Variants in MCCC1 observed in about 807,000 individuals in gnomAD.
MCCC1 encodes methylcrotonoyl-CoA carboxylase subunit alpha, mitochondrial.
In MCCC1, 64 loss-of-function variants were observed where a neutral mutation model predicts 83.8. That is an observed-to-expected ratio of 0.76 (90% CI 0.62 to 0.94). The LOEUF is 0.94. MCCC1 is among the 40% of genes least tolerant of loss of function. The pLI, the probability that MCCC1 is intolerant of heterozygous loss-of-function variation, is 0.00. For synonymous variants in MCCC1, 322 were observed against 315.4 expected (o/e 1.02, Z -0.22); for missense variants, 807 against 904.7 (o/e 0.89, Z 1.39).
intron 10 of MCCC1, among the ~76,000 whole-genome samples, chr3:183,044,280 T>C (rs569960466): frequency 2.4e-4 from 37 of 152,350 alleles, no homozygotes; most frequent in Admixed American, 4.6e-4. Context: ...AAATCTATTG[T>C]TCTTATGAGA....
intron 2 of MCCC1, among the ~76,000 whole-genome samples, chr3:183,093,185 C>T (rs1449654390): frequency 6.6e-6 from 1 of 152,210 alleles, no homozygotes; most frequent in African/African-American, 2.4e-5. Flanking sequence ...TGAGCCACCA[C>T]ACCCGGCCAA....
At chr3:183,023,899 T>C (rs934921061) in intron 15 of MCCC1, among the ~76,000 whole-genome samples, 2 of 152,222 alleles carry the variant, frequency 1.3e-5, no homozygotes, top group African/African-American at 4.8e-5. Flanking sequence ...TCTCAAAATA[T>C]GACCTATGTG....
chr3:183,099,287 C>T lies in MCCC1; in HGVS notation c.89+65G>A. 10 of 1,529,628 alleles carry T rather than the reference C, an allele frequency of 6.5e-6. No individual in the cohort carries two copies. The South Asian group carries it at 1.1e-4, about 16-fold the overall frequency. The allele number at this position is 1,529,628 out of a possible 1,614,324, so 94.8% of individuals were successfully genotyped here. A position where few individuals can be genotyped will look rare whatever the true frequency, so the allele number is the denominator to read the frequency against. Reference sequence around the variant, plus strand: ...CTGGGTTCCGCCGCACCTCCCACCGCTCACGCGGGTCCGTGCACCCCTCGC... The same window carrying T: ...CTGGGTTCCGCCGCACCTCCCACCGTTCACGCGGGTCCGTGCACCCCTCGC... On this transcript the variant is annotated intron_variant, in intron 1 of 18. Transcript: ENST00000265594.
At chr3:183,087,771 T>C (rs1203901777) in intron 3 of MCCC1, among the ~76,000 whole-genome samples, 2 of 73,224 alleles carry the variant, frequency 2.7e-5, no homozygotes, top group Non-Finnish European at 5.3e-5. Flanking sequence ...CTCGGGAGGC[T>C]GAGGCAGGAG....
chr3:183,105,437 C>T (rs1379183993), intron 1 of MCCC1, among the ~76,000 whole-genome samples: 1 of 152,146 alleles, frequency 6.6e-6, no homozygotes, highest in African/African-American at 2.4e-5. Flanking sequence ...ATAAAACACA[C>T]TGATGAGTGA....
intron 9 of MCCC1, among the ~76,000 whole-genome samples, chr3:183,051,494 G>A (rs1278355197): frequency 1.3e-5 from 2 of 152,134 alleles, no homozygotes; most frequent in Non-Finnish European, 2.9e-5. Flanking sequence ...AAAAACATGA[G>A]TGGCTGCCGG....
At chr3:183,046,379 C>G (rs1204490400) in intron 9 of MCCC1, among the ~76,000 whole-genome samples, 1 of 149,796 alleles carries the variant, frequency 6.7e-6, no homozygotes, top group Non-Finnish European at 1.5e-5. Context: ...GTGGTCACAA[C>G]CCATTAGTGG....
intron 1 of MCCC1, among the ~76,000 whole-genome samples, chr3:183,095,483 A>G (rs1262935525): frequency 6.6e-6 from 1 of 152,236 alleles, no homozygotes; most frequent in Non-Finnish European, 1.5e-5. Context: ...GTGGGACCAG[A>G]AAAGCTGCAT....
intron 1 of MCCC1, among the ~76,000 whole-genome samples, chr3:183,108,544 A>G (rs949728816): frequency 2.6e-5 from 4 of 152,182 alleles, no homozygotes; most frequent in Non-Finnish European, 5.9e-5. Context: ...CCTTCTCAAC[A>G]TTACTTCTGA....
chr3:183,032,624 C>T (rs980432426), intron 14 of MCCC1, among the ~76,000 whole-genome samples: 1 of 152,144 alleles, frequency 6.6e-6, no homozygotes, highest in Non-Finnish European at 1.5e-5. Flanking sequence ...CCTGTAATCC[C>T]AGCACTTTGG....
intron 13 of MCCC1, among the ~76,000 whole-genome samples, chr3:183,036,918 C>A (rs1405653277): frequency 6.6e-6 from 1 of 152,062 alleles, no homozygotes; most frequent in Non-Finnish European, 1.5e-5. Context: ...CATGATCCAG[C>A]CGCCCTGGCC....
chr3:183,100,199 CAG>C (rs572879341), upstream of MCCC1, among the ~76,000 whole-genome samples: 253 of 152,136 alleles, frequency 1.7e-3, 1 homozygote, highest in African/African-American at 5.8e-3. Context: ...AAAAAACAAG[CAG>C]GGGAAAATCA....
intron 14 of MCCC1, among the ~76,000 whole-genome samples, chr3:183,032,846 C>T (rs1713195102): frequency 2.0e-5 from 3 of 150,654 alleles, no homozygotes; most frequent in South Asian, 4.2e-4. Flanking sequence ...TGCACTCCAG[C>T]CTGGGCAACA....
At chr3:183,092,691 C>T (rs757485849) in intron 2 of MCCC1, 146 bp from the exon 3 acceptor site, 47 of 894,736 alleles carry the variant, frequency 5.3e-5, no homozygotes, top group Admixed American at 2.6e-4. Flanking sequence ...CCCAAAATGA[C>T]CACTTTAACT....
At chr3:183,053,082 T>C (rs564552831) in intron 8 of MCCC1, among the ~76,000 whole-genome samples, 1 of 152,240 alleles carries the variant, frequency 6.6e-6, no homozygotes, top group East Asian at 1.9e-4. Flanking sequence ...TGGGACAAGA[T>C]GTGGAGAAAA....
intron 5 of MCCC1, 77 bp from the exon 6 acceptor site, chr3:183,071,434 A>G (rs1716680951): frequency 6.3e-7 from 1 of 1,596,466 alleles, no homozygotes; most frequent in Admixed American, 1.7e-5. Flanking sequence ...AATATAGCCC[A>G]GTCTATAAAT....
intron 18 of MCCC1, among the ~76,000 whole-genome samples, 184 bp from the exon 19 acceptor site, chr3:183,015,750 G>C (rs940152560): frequency 6.6e-6 from 1 of 152,044 alleles, no homozygotes; most frequent in African/African-American, 2.4e-5. Flanking sequence ...CAGCACACAG[G>C]GAGAACAGTA....
At chr3:183,084,315 G>A (rs1717733048) in intron 4 of MCCC1, among the ~76,000 whole-genome samples, 1 of 152,180 alleles carries the variant, frequency 6.6e-6, no homozygotes, top group Non-Finnish European at 1.5e-5. Flanking sequence ...TGCATTAGAT[G>A]TTATGCCCAT....
chr3:183,114,513 A>C (rs990101504), intron 1 of MCCC1, among the ~76,000 whole-genome samples: 7 of 152,240 alleles, frequency 4.6e-5, no homozygotes, highest in African/African-American at 1.7e-4. Context: ...TCTGGTGTCC[A>C]CTGCAGAACT....
Sources: allele counts gnomAD v4.1 joint callset (sites outside exome capture counted in the v4.1 genomes callset), GRCh38; gene constraint gnomAD v4.1.1; transcripts MANE v1.5; gene names NCBI Gene and HGNC (gene_info 2026-07-23, HGNC 2026-07-21).